Variants in OSBPL6 observed in about 807,000 individuals in gnomAD.
The protein encoded by OSBPL6 is oxysterol binding protein like 6.
A neutral mutation model predicts 125.8 loss-of-function variants in OSBPL6; 49 were observed. That is an observed-to-expected ratio of 0.39 (90% CI 0.31 to 0.49). OSBPL6 has a LOEUF of 0.49. OSBPL6 is among the 20% of genes least tolerant of loss of function. The pLI, the probability that OSBPL6 is intolerant of heterozygous loss-of-function variation, is 0.88. For synonymous variants in OSBPL6, 394 were observed against 391.8 expected (o/e 1.01, Z -0.07); for missense variants, 986 against 1,135.4 (o/e 0.87, Z 1.89).
At chr2:178,278,192 C>T (rs1343674647) in intron 1 of OSBPL6, among the ~76,000 whole-genome samples, 2 of 152,180 alleles carry the variant, frequency 1.3e-5, no homozygotes, top group Non-Finnish European at 2.9e-5. Context: ...GGAACTTCTT[C>T]TGATCTGATT....
intron 1 of OSBPL6, among the ~76,000 whole-genome samples, chr2:178,250,383 C>T (rs1180302731): frequency 6.6e-6 from 1 of 152,028 alleles, no homozygotes; most frequent in Non-Finnish European, 1.5e-5. Flanking sequence ...GCATCTCCTG[C>T]CTCAAAACTC....
chr2:178,350,159 G>T (rs572478119), intron 12 of OSBPL6, among the ~76,000 whole-genome samples: 2 of 152,142 alleles, frequency 1.3e-5, no homozygotes, highest in Non-Finnish European at 2.9e-5. Context: ...TTTCAGTGAG[G>T]CTTGTTGTAT....
Position 178,342,410 on chromosome 2 carries a change from A to T in OSBPL6, c.987+2646A>T, listed in dbSNP as rs1302741839. On this transcript the variant is annotated intron_variant, in intron 11 of 24. Transcript: ENST00000190611. ...TAAAAAAATTGACCGCAAGAAAGTAAAAATGAAAAACATGTTATACTGGAT... is the reference window on the plus strand; with the variant it reads ...TAAAAAAATTGACCGCAAGAAAGTATAAATGAAAAACATGTTATACTGGAT... Among the ~76,000 whole-genome samples, 5 of 152,322 alleles carry T rather than the reference A, an allele frequency of 3.3e-5. No homozygotes were observed. The East Asian group carries it at 9.6e-4, about 29-fold the overall frequency.
chr2:178,207,039 G>C (rs1012918391), intron 1 of OSBPL6, among the ~76,000 whole-genome samples: 15 of 152,254 alleles, frequency 9.9e-5, no homozygotes, highest in South Asian at 8.3e-4. Context: ...AAAGTGCTGG[G>C]GTTTTTGTTT....
intron 15 of OSBPL6, among the ~76,000 whole-genome samples, chr2:178,380,332 T>A (rs1290274821): frequency 2.0e-5 from 3 of 151,434 alleles, no homozygotes; most frequent in Admixed American, 6.6e-5. Context: ...GTGCGTGTAG[T>A]CCCAGCTACT....
chr2:178,298,694 G>GTTTTTTTTTTTTTTTTTTTTT (rs757606940), intron 2 of OSBPL6, among the ~76,000 whole-genome samples: 1 of 139,428 alleles, frequency 7.2e-6, no homozygotes, highest in African/African-American at 2.6e-5. Flanking sequence ...ATTTTTAGTT[G>GTTTTTTTTTTTTTTTTTTTTT]CTTTTTTTTT....
At chr2:178,279,384 AATG>A (rs1683900156) in intron 1 of OSBPL6, among the ~76,000 whole-genome samples, 1 of 152,180 alleles carries the variant, frequency 6.6e-6, no homozygotes, top group Non-Finnish European at 1.5e-5. Flanking sequence ...TTGCTTCCTG[AATG>A]AGCCATTCAG....
chr2:178,203,569 T>C (rs568338985), intron 1 of OSBPL6, among the ~76,000 whole-genome samples: 1 of 152,338 alleles, frequency 6.6e-6, no homozygotes, highest in East Asian at 1.9e-4. Flanking sequence ...TGGGTCAGGA[T>C]CTCCTTACCA....
intron 1 of OSBPL6, among the ~76,000 whole-genome samples, chr2:178,263,716 G>C (rs1371507145): frequency 6.6e-6 from 1 of 152,080 alleles, no homozygotes; most frequent in Non-Finnish European, 1.5e-5. Flanking sequence ...CCACAAACGT[G>C]TGCTTGGGGA....
Position 178,367,568 on chromosome 2 carries a change from C to T in OSBPL6, c.1288-4558C>T, listed in dbSNP as rs575252368. On this transcript the variant is annotated intron_variant, in intron 13 of 24. Coordinates refer to ENST00000190611, the MANE Select transcript of OSBPL6 (RefSeq NM_032523.4). Reference sequence around the variant, plus strand: ...TCTCACCCAGCCTAAGATAAATCTTCACCTAGGAATTACCTGCCAGGGTTG... The same window carrying T: ...TCTCACCCAGCCTAAGATAAATCTTTACCTAGGAATTACCTGCCAGGGTTG... 5.3e-5 allele frequency among the ~76,000 whole-genome samples: 8 copies of T among 152,314 alleles called. 1 individual carries two copies. In the South Asian group the frequency reaches 1.7e-3, roughly 32 times the overall value.
At chr2:178,297,278 G>A (rs1005520815) in intron 2 of OSBPL6, among the ~76,000 whole-genome samples, 2 of 152,030 alleles carry the variant, frequency 1.3e-5, no homozygotes, top group African/African-American at 4.8e-5. Flanking sequence ...GATTATTTTG[G>A]GTTATCTTTA....
chr2:178,326,174 T>G (rs773643271), intron 4 of OSBPL6, among the ~76,000 whole-genome samples: 5 of 151,620 alleles, frequency 3.3e-5, no homozygotes. Context: ...CTAAGCTTGA[T>G]GCATTCACCT....
chr2:178,214,867 C>T (rs2090024001), intron 1 of OSBPL6, among the ~76,000 whole-genome samples: 1 of 152,050 alleles, frequency 6.6e-6, no homozygotes, highest in Non-Finnish European at 1.5e-5. Flanking sequence ...AGGAGGATTG[C>T]TTGAGCCCAG....
chr2:178,194,157 A>G (rs1049279955), upstream of OSBPL6, among the ~76,000 whole-genome samples: 21 of 152,226 alleles, frequency 1.4e-4, no homozygotes, highest in African/African-American at 5.1e-4. Context: ...GGGCTCCGCT[A>G]CTGCGCGCAG....
intron 1 of OSBPL6, among the ~76,000 whole-genome samples, chr2:178,277,198 T>C (rs2092487318): frequency 6.6e-6 from 1 of 152,284 alleles, no homozygotes; most frequent in Non-Finnish European, 1.5e-5. Flanking sequence ...TTAATTTTTA[T>C]GCAATTTTAT....
At chr2:178,311,891 T>C (rs747415611) in intron 3 of OSBPL6, among the ~76,000 whole-genome samples, 1 of 152,218 alleles carries the variant, frequency 6.6e-6, no homozygotes, top group Non-Finnish European at 1.5e-5. Flanking sequence ...AGCAGAGAGT[T>C]GGGAGCATTC....
chr2:178,298,985 G>A (rs575119593), intron 2 of OSBPL6, among the ~76,000 whole-genome samples: 2 of 152,266 alleles, frequency 1.3e-5, no homozygotes, highest in East Asian at 3.9e-4. Context: ...ACAAAGTAGG[G>A]CAAAATATTT....
intron 1 of OSBPL6, among the ~76,000 whole-genome samples, chr2:178,245,325 T>A (rs929205445): frequency 2.6e-5 from 4 of 152,250 alleles, no homozygotes; most frequent in African/African-American, 9.6e-5. Flanking sequence ...GCACTTCTGC[T>A]CATTTGAAAA....
At chr2:178,241,254 C>T (rs2091279028) in intron 1 of OSBPL6, among the ~76,000 whole-genome samples, 1 of 151,674 alleles carries the variant, frequency 6.6e-6, no homozygotes, top group African/African-American at 2.4e-5. Context: ...GCTGGGACTA[C>T]AGGTGCACGC....
Sources: gnomAD v4.1 joint callset for allele counts (sites outside exome capture counted in the v4.1 genomes callset) on GRCh38, gnomAD v4.1.1 for gene constraint, MANE v1.5 for transcripts, NCBI Gene and HGNC (gene_info 2026-07-23, HGNC 2026-07-21) for gene names.